Variants in STIM2 observed in about 807,000 individuals in gnomAD.
STIM2 encodes stromal interaction molecule 2.
STIM2 carries 31 observed loss-of-function variants against 85.8 expected under a neutral mutation model. The observed-to-expected ratio is 0.36, with a 90% confidence interval of 0.27 to 0.49. The LOEUF (loss-of-function observed/expected upper bound fraction) is 0.49. Among genes scored for constraint, STIM2 ranks in the 20% least tolerant of loss-of-function variants. The pLI is 0.98. For missense variants in STIM2, 841 were observed against 927.6 expected (o/e 0.91, Z 1.21); for synonymous variants, 356 against 331.1 (o/e 1.08, Z -0.82).
At chr4:26,933,235 A>G (rs1259828189) in intron 2 of STIM2, among the ~76,000 whole-genome samples, 1 of 152,032 alleles carries the variant, frequency 6.6e-6, no homozygotes, top group South Asian at 2.1e-4. Flanking sequence ...TCATTTTTTC[A>G]TATCTGTTCT....
intron 1 of STIM2, among the ~76,000 whole-genome samples, chr4:26,917,234 C>T (rs1369487323): frequency 6.6e-6 from 1 of 152,166 alleles, no homozygotes; most frequent in Non-Finnish European, 1.5e-5. Context: ...AATCCCTTGA[C>T]ATTTCATATC....
At position 26,983,372 on chromosome 4, in the gene STIM2, T is replaced by C. The variant is rs527742120; in HGVS notation, c.398-12007T>C. On this transcript the variant is annotated intron_variant, in intron 3 of 11. Transcript: ENST00000467087. ...TTAAACAAACTTTTCCTAAAAGTTA[T>C]TTTTGCCACTGATAATATTAGTTAA... is the stretch of plus-strand genomic sequence containing the variant. Among the ~76,000 whole-genome samples the C allele has an allele frequency of 5.3e-5, 8 of 152,334 alleles. 1 individual carries two copies. The South Asian group carries it at 1.5e-3, about 28-fold the overall frequency.
At chr4:26,943,888 C>G (rs1577453538) in intron 2 of STIM2, among the ~76,000 whole-genome samples, 4 of 152,170 alleles carry the variant, frequency 2.6e-5, no homozygotes, top group Admixed American at 2.6e-4. Flanking sequence ...CATAACTAGT[C>G]AGGATAAGAA....
In STIM2 at chr4:26,880,684, T is replaced by TATATATGTAA. The variant is rs1560192619; in HGVS notation, c.151+19321_151+19322insGTAAATATAT. Among the ~76,000 whole-genome samples the TATATATGTAA allele has an allele frequency of 2.5e-4, 37 of 146,146 alleles. No homozygotes were observed. In the East Asian group the frequency reaches 3.3e-3, roughly 13 times the overall value. ...ATATATATGTAAATATATATGTAAA[T>TATATATGTAA]ATATATATATGTATATATATATCTA... On this transcript the variant is annotated intron_variant, in intron 1 of 11. Transcript: ENST00000467087.
intron 3 of STIM2, among the ~76,000 whole-genome samples, chr4:26,976,473 A>G (rs1331938924): frequency 6.6e-6 from 1 of 151,294 alleles, no homozygotes; most frequent in African/African-American, 2.4e-5. Context: ...TTCATCACCA[A>G]TGATTTGATT....
At chr4:27,008,684 C>A in intron 9 of STIM2, 80 bp from the exon 10 acceptor site, 1 of 1,352,196 alleles carries the variant, frequency 7.4e-7, no homozygotes, top group Non-Finnish European at 1.0e-6. Context: ...TTGCCATGGT[C>A]TGTTCATGTA....
chr4:26,958,470 A>G (rs934830940), intron 3 of STIM2, among the ~76,000 whole-genome samples: 19 of 152,176 alleles, frequency 1.2e-4, no homozygotes, highest in African/African-American at 4.6e-4. Context: ...CAGATTACCA[A>G]TTAAGAGTGT....
At chr4:26,954,318 T>C (rs953661192) in intron 2 of STIM2, among the ~76,000 whole-genome samples, 3 of 152,144 alleles carry the variant, frequency 2.0e-5, no homozygotes, top group African/African-American at 7.2e-5. Context: ...GAATATTCAG[T>C]AGTCATTTAT....
At chr4:26,876,358 T>C (rs373854217) in intron 1 of STIM2, among the ~76,000 whole-genome samples, 1 of 152,182 alleles carries the variant, frequency 6.6e-6, no homozygotes, top group African/African-American at 2.4e-5. Flanking sequence ...CTTCCCACTT[T>C]TGAGTCACAG....
chr4:26,868,290 G>A (rs952659256), intron 1 of STIM2, among the ~76,000 whole-genome samples: 6 of 152,092 alleles, frequency 3.9e-5, no homozygotes, highest in Admixed American at 6.6e-5. Context: ...TTCTTTTTGC[G>A]TATGGATTTG....
chr4:26,949,224 T>C (rs541378578), intron 2 of STIM2, among the ~76,000 whole-genome samples: 20 of 152,288 alleles, frequency 1.3e-4, no homozygotes, highest in African/African-American at 4.8e-4. Context: ...GCCAGAGTTA[T>C]TCTCTGAATG....
chr4:26,978,245 CACATATAT>C (rs1727269630), intron 3 of STIM2, among the ~76,000 whole-genome samples: 1 of 147,288 alleles, frequency 6.8e-6, no homozygotes, highest in Non-Finnish European at 1.5e-5. Flanking sequence ...TACATATATA[CACATATAT>C]ACATATATAT....
intron 3 of STIM2, among the ~76,000 whole-genome samples, chr4:26,985,531 T>C (rs1435484030): frequency 2.0e-5 from 3 of 152,224 alleles, no homozygotes. Flanking sequence ...TCTATCAACA[T>C]TTCATATAGC....
At chr4:26,872,162 G>T (rs1722644260) in intron 1 of STIM2, among the ~76,000 whole-genome samples, 1 of 152,154 alleles carries the variant, frequency 6.6e-6, no homozygotes, top group South Asian at 2.1e-4. Context: ...GATATTTTAT[G>T]TTGCATTTAA....
chr4:26,974,980 A>G (rs1727126718), intron 3 of STIM2, among the ~76,000 whole-genome samples: 1 of 151,668 alleles, frequency 6.6e-6, no homozygotes, highest in African/African-American at 2.4e-5. Context: ...ACTTTATTTC[A>G]TTACTTTGAT....
At chr4:26,865,639 T>C (rs35925676) in intron 1 of STIM2, among the ~76,000 whole-genome samples, 13,070 of 152,200 alleles carry the variant, frequency 0.086, 681 homozygotes, top group East Asian at 0.19. Flanking sequence ...ATGTATATAT[T>C]GGCTAAGCTA....
chr4:26,883,889 ATAT>A (rs1723112810), intron 1 of STIM2, among the ~76,000 whole-genome samples: 1 of 152,196 alleles, frequency 6.6e-6, no homozygotes, highest in Admixed American at 6.5e-5. Flanking sequence ...GCTTATTTTC[ATAT>A]TATATAGCCA....
intron 1 of STIM2, among the ~76,000 whole-genome samples, chr4:26,867,654 G>T (rs1216169772): frequency 6.6e-6 from 1 of 152,192 alleles, no homozygotes; most frequent in African/African-American, 2.4e-5. Flanking sequence ...AAATTTCATT[G>T]TTGTGTGAAT....
chr4:27,010,779 T>C (rs1197854981), intron 10 of STIM2, among the ~76,000 whole-genome samples: 1 of 152,180 alleles, frequency 6.6e-6, no homozygotes, highest in East Asian at 1.9e-4. Context: ...GTTGTAACAA[T>C]ATACACAGAA....
Sources: gnomAD v4.1 joint callset for allele counts (sites outside exome capture counted in the v4.1 genomes callset) on GRCh38, gnomAD v4.1.1 for gene constraint, MANE v1.5 for transcripts, NCBI Gene and HGNC (gene_info 2026-07-23, HGNC 2026-07-21) for gene names.